Variants in GART observed in about 807,000 individuals in gnomAD.
GART encodes trifunctional purine biosynthetic protein adenosine-3.
GART carries 43 observed loss-of-function variants against 107.2 expected under a neutral mutation model. The observed-to-expected ratio is 0.40, with a 90% confidence interval of 0.31 to 0.52. The LOEUF (loss-of-function observed/expected upper bound fraction) is 0.52, where lower values mean the gene tolerates loss of function less well. Among genes scored for constraint, GART ranks in the 20% least tolerant of loss-of-function variants. GART has a pLI of 0.52. For synonymous variants in GART, 434 were observed against 427.0 expected (o/e 1.02, Z -0.20); for missense variants, 1,107 against 1,206.5 (o/e 0.92, Z 1.22).
chr21:33,533,851 G>A (rs1438742489), intron 4 of GART, among the ~76,000 whole-genome samples: 1 of 151,402 alleles, frequency 6.6e-6, no homozygotes, highest in African/African-American at 2.4e-5. Flanking sequence ...GCTGCTGTGA[G>A]CCAAGATCAC....
intron 6 of GART, 71 bp downstream of exon 6, chr21:33,531,417 CT>C: frequency 2.2e-6 from 3 of 1,336,080 alleles, no homozygotes; most frequent in East Asian, 2.3e-5. Flanking sequence ...TATATCAAGT[CT>C]TTTCTGGGGT....
At chr21:33,521,920 T>A (rs1298454376) in intron 12 of GART, among the ~76,000 whole-genome samples, 1 of 136,648 alleles carries the variant, frequency 7.3e-6, no homozygotes, top group East Asian at 2.2e-4. Flanking sequence ...GATGGTGCCA[T>A]TGCACTCCAG....
intron 5 of GART, chr21:33,531,780 C>T: frequency 2.1e-6 from 1 of 466,526 alleles, no homozygotes; most frequent in Non-Finnish European, 3.8e-6. Context: ...ATAAACACAC[C>T]TCTAATATTC....
chr21:33,534,061 C>T (rs561347956), intron 4 of GART, among the ~76,000 whole-genome samples: 2 of 152,198 alleles, frequency 1.3e-5, no homozygotes, highest in Non-Finnish European at 2.9e-5. Flanking sequence ...ATCATATAAA[C>T]TCTGTATGCA....
At chr21:33,527,112 C>T (rs2085087803) in intron 10 of GART, among the ~76,000 whole-genome samples, 1 of 152,174 alleles carries the variant, frequency 6.6e-6, no homozygotes, top group Admixed American at 6.5e-5. Flanking sequence ...CTTTCTTTGT[C>T]CATATTCAAA....
intron 18 of GART, chr21:33,509,326 A>G (rs986332760): frequency 3.3e-5 from 5 of 153,330 alleles, no homozygotes; most frequent in African/African-American, 1.2e-4. Flanking sequence ...AACATACTGA[A>G]TATTTGCAAG....
intron 1 of GART, among the ~76,000 whole-genome samples, chr21:33,541,603 A>G (rs1307215868): frequency 6.6e-6 from 1 of 152,224 alleles, no homozygotes; most frequent in African/African-American, 2.4e-5. Flanking sequence ...TGGCCTGGGT[A>G]GAGACGCTGC....
chr21:33,534,079 C>A (rs2085252773), intron 4 of GART, among the ~76,000 whole-genome samples: 1 of 152,116 alleles, frequency 6.6e-6, no homozygotes, highest in African/African-American at 2.4e-5. Context: ...GCATAGGATC[C>A]CATTTTATTT....
chr21:33,504,599 C>A, intron 20 of GART, 72 bp from the exon 21 acceptor site: 1 of 1,064,562 alleles, frequency 9.4e-7, no homozygotes, highest in Non-Finnish European at 1.4e-6. Context: ...ATACGTTTTC[C>A]TATCTAGATC....
chr21:33,525,684 T>C (rs2085060052), intron 10 of GART, among the ~76,000 whole-genome samples: 1 of 151,924 alleles, frequency 6.6e-6, no homozygotes. Flanking sequence ...GCCTCCCAGA[T>C]AGGTTTTAAT....
chr21:33,518,087 C>A (rs1186522672), intron 14 of GART, among the ~76,000 whole-genome samples: 1 of 152,214 alleles, frequency 6.6e-6, no homozygotes, highest in Non-Finnish European at 1.5e-5. Flanking sequence ...AAGGTATAGG[C>A]AGACTCCAAA....
intron 10 of GART, among the ~76,000 whole-genome samples, chr21:33,527,932 T>C (rs779975965): frequency 1.3e-5 from 2 of 152,180 alleles, no homozygotes; most frequent in African/African-American, 4.8e-5. Flanking sequence ...TCGGGAGATG[T>C]GGTTCTGCCA....
chr21:33,524,385 C>T (rs1601201887), intron 11 of GART: 1 of 662,352 alleles, frequency 1.5e-6, no homozygotes, highest in Non-Finnish European at 1.9e-6. Context: ...CCCATCTCCA[C>T]AAAAAATACA....
Position 33,517,393 on chromosome 21 carries a change from A to G in GART, c.1918T>C (p.Ser640Pro). 2 of 1,614,130 alleles carry G rather than the reference A, an allele frequency of 1.2e-6. No individual in the cohort carries two copies. The highest frequency in any genetic ancestry group is 1.7e-6 in the Non-Finnish European group (2 of 1,180,020). ...TCACCACAACCATCAGGTGCTGGAG[A>G]GGAGTACTGGAGGGAAGATTTTGCC... Reference protein sequence around the residue: ...IVAKSSLQYSSPAPDGCGDQT... With the variant: ...IVAKSSLQYSPPAPDGCGDQT... The change falls in exon 15 of 22, where the codon TCT becomes CCT. Residue 640 changes from serine to proline, a missense_variant. Physicochemically the swap from Ser to Pro is moderately conservative, Grantham distance 74 (BLOSUM62 -1). Transcript: ENST00000381815.
At position 33,517,315 on chromosome 21, in the gene GART, A is replaced by G. The variant is rs1410455385; in HGVS notation, c.1954+42T>C. Reference sequence around the variant, plus strand: ...GACTAAAACCACTAAATGCTTGCTCAGGCATTTCCAAGCAGGACAGTTTAA... The same window carrying G: ...GACTAAAACCACTAAATGCTTGCTCGGGCATTTCCAAGCAGGACAGTTTAA... On this transcript the variant is annotated intron_variant, in intron 15 of 21. Coordinates refer to ENST00000381815, the MANE Select transcript of GART (RefSeq NM_000819.5). 10 of 1,610,066 alleles carry G rather than the reference A, an allele frequency of 6.2e-6. No individual in the cohort carries two copies. The Admixed American group carries it at 8.4e-5, about 13-fold the overall frequency.
rs80229002 is a variant in GART at position 33,520,629 on chromosome 21, T to C, written c.1504-67A>G. ...TCAAAATTGTATCTTATCCATTTGA[T>C]TAGCTGCTCTTAACACCTAAAAACA... On this transcript the variant is annotated intron_variant, in intron 13 of 21. Coordinates refer to ENST00000381815, the MANE Select transcript of GART (RefSeq NM_000819.5). 3.8e-3 allele frequency: 5,192 copies of C among 1,368,440 alleles called. 93 individuals carry two copies. In the African/African-American group the frequency reaches 0.049, roughly 13 times the overall value. 84.8% of individuals were successfully genotyped at this position (1,368,440 alleles called of 1,614,324 possible).
chr21:33,514,848 T>A (rs1231462807), intron 16 of GART, among the ~76,000 whole-genome samples: 1 of 152,114 alleles, frequency 6.6e-6, no homozygotes, highest in Non-Finnish European at 1.5e-5. Flanking sequence ...TGAAATCCCA[T>A]CTGACCACTC....
intron 14 of GART, 59 bp downstream of exon 14, chr21:33,520,305 A>G (rs1392510518): frequency 1.3e-6 from 2 of 1,496,354 alleles, no homozygotes; most frequent in South Asian, 1.1e-5. Flanking sequence ...ACATTTTTAC[A>G]TAGGGCTAAA....
chr21:33,531,643 A>G (rs2085193345), intron 5 of GART, 86 bp from the exon 6 acceptor site: 1 of 1,242,082 alleles, frequency 8.1e-7, no homozygotes, highest in Non-Finnish European at 1.1e-6. Context: ...AGCATTATCC[A>G]GCATTTGTAT....
Sources: allele counts gnomAD v4.1 joint callset (sites outside exome capture counted in the v4.1 genomes callset), GRCh38; gene constraint gnomAD v4.1.1; transcripts MANE v1.5; gene names NCBI Gene and HGNC (gene_info 2026-07-23, HGNC 2026-07-21).